ANGPT2: variants seen among roughly 807,000 people sequenced by gnomAD.
The protein encoded by ANGPT2 is angiopoietin 2, also known as angiopoietin-2.
A neutral mutation model predicts 62.9 loss-of-function variants in ANGPT2; 28 were observed. The observed-to-expected ratio is 0.44, with a 90% confidence interval of 0.33 to 0.61. The LOEUF (loss-of-function observed/expected upper bound fraction) is 0.61. Among genes scored for constraint, ANGPT2 ranks in the 20% least tolerant of loss-of-function variants. The pLI is 0.03. For synonymous variants in ANGPT2, 284 were observed against 207.8 expected (o/e 1.37, Z -3.15); for missense variants, 727 against 594.9 (o/e 1.22, Z -2.31).
intron 1 of ANGPT2, among the ~76,000 whole-genome samples, chr8:6,556,844 C>T (rs570459113): frequency 1.3e-5 from 2 of 152,238 alleles, no homozygotes; most frequent in African/African-American, 4.8e-5. Context: ...CCATCTTGGC[C>T]TCTCAAAGCT....
At chr8:6,555,344 C>A (rs1278938000) in intron 1 of ANGPT2, among the ~76,000 whole-genome samples, 1 of 152,158 alleles carries the variant, frequency 6.6e-6, no homozygotes, top group Non-Finnish European at 1.5e-5. Context: ...CTGTGAAATC[C>A]AGCGTTTCCC....
At chr8:6,518,646 G>C (rs1300290613) in intron 5 of ANGPT2, among the ~76,000 whole-genome samples, 2 of 152,046 alleles carry the variant, frequency 1.3e-5, no homozygotes, top group African/African-American at 4.8e-5. Flanking sequence ...TAAATACTTA[G>C]GATAATACTC....
Position 6,514,795 on chromosome 8 carries a change from AG to A in ANGPT2, c.928-18del, listed in dbSNP as rs1815918181. On this transcript the variant is annotated intron_variant, in intron 5 of 8. Coordinates refer to ENST00000629816, the MANE Select transcript of ANGPT2 (RefSeq NM_001118887.2). ...ACAGTAGGCCTGCAAACAGGAATGC[AG>A]GGTATAAGTGACAGAGCCCCCCCAC... The A allele has an allele frequency of 1.2e-6, 2 of 1,610,854 alleles. No homozygotes were observed. Among genetic ancestry groups the A allele is most frequent in the Non-Finnish European group, 1.7e-6 (2 of 1,177,234 alleles).
chr8:6,530,737 T>G (rs1819339897), intron 2 of ANGPT2, among the ~76,000 whole-genome samples: 1 of 152,214 alleles, frequency 6.6e-6, no homozygotes, highest in Non-Finnish European at 1.5e-5. Flanking sequence ...TCAAGTAATT[T>G]GTTATTCTAT....
Position 6,528,610 on chromosome 8 carries a change from C to T in ANGPT2, c.445-934G>A, listed in dbSNP as rs140388548. Among the ~76,000 whole-genome samples the T allele has an allele frequency of 9.2e-3, 1,406 of 152,370 alleles. 23 individuals are homozygous for T. The highest frequency in any genetic ancestry group is 0.032 in the African/African-American group (1,318 of 41,588). On this transcript the variant is annotated intron_variant, in intron 2 of 8. Coordinates refer to ENST00000629816, the MANE Select transcript of ANGPT2 (RefSeq NM_001118887.2). ...TTGCCGTGCGGGCCTTTGTGAGCTA[C>T]TGCGTGGCATGAGCAGTGCGGCTCT...
chr8:6,559,949 C>A (rs1176827430), intron 1 of ANGPT2, among the ~76,000 whole-genome samples: 5 of 152,184 alleles, frequency 3.3e-5, no homozygotes, highest in Non-Finnish European at 7.3e-5. Context: ...ATTCAGAAGC[C>A]TGACACTTCC....
At chr8:6,541,777 G>A (rs904377526) in intron 1 of ANGPT2, among the ~76,000 whole-genome samples, 2 of 152,146 alleles carry the variant, frequency 1.3e-5, no homozygotes, top group African/African-American at 4.8e-5. Context: ...GCCAAGGTAG[G>A]AGGATCACTT....
chr8:6,562,513 G>A (rs573992647), intron 1 of ANGPT2, 134 bp downstream of exon 1: 9 of 751,546 alleles, frequency 1.2e-5, no homozygotes, highest in Middle Eastern at 4.2e-4. Context: ...GAGGGTACCA[G>A]CAACCCGCTC....
chr8:6,511,763 A>T (rs1206398957), intron 7 of ANGPT2, among the ~76,000 whole-genome samples: 1 of 152,328 alleles, frequency 6.6e-6, no homozygotes, highest in South Asian at 2.1e-4. Context: ...CCAAAAATTG[A>T]TTGCATTTCT....
chr8:6,509,567 A>T lies in ANGPT2; in HGVS notation c.1197-505T>A, dbSNP rs537807441. On this transcript the variant is annotated intron_variant, in intron 7 of 8. Coordinates refer to ENST00000629816, the MANE Select transcript of ANGPT2 (RefSeq NM_001118887.2). ...GCTGAAAATAAATCCTTGTGGCTAC[A>T]TTTCCTCATGTCTGTATAGTAGGGT... Among the ~76,000 whole-genome samples, 14 of 152,240 alleles carry T rather than the reference A, an allele frequency of 9.2e-5. No individual in the cohort carries two copies. In the South Asian group the frequency reaches 2.9e-3, roughly 32 times the overall value.
chr8:6,562,572 G>GTTTTTAAAAACTGAGCT, intron 1 of ANGPT2, 75 bp downstream of exon 1: 1 of 42,834 alleles, frequency 2.3e-5, no homozygotes. Context: ...TTTTTTTTTT[G>GTTTTTAAAAACTGAGCT]GTTGTTAAAA....
At chr8:6,549,699 G>T (rs904647654) in intron 1 of ANGPT2, among the ~76,000 whole-genome samples, 1 of 137,556 alleles carries the variant, frequency 7.3e-6, no homozygotes, top group Non-Finnish European at 1.6e-5. Context: ...CGAGCTGGGC[G>T]GTCATTACAC....
chr8:6,562,570 T>TTTTTTTTTTTTTTTTTTTTTTTTTA (rs1329743969), intron 1 of ANGPT2, 77 bp downstream of exon 1: 1 of 400,176 alleles, frequency 2.5e-6, no homozygotes, highest in Non-Finnish European at 4.3e-6. Context: ...TTTTTTTTTT[T>TTTTTTTTTTTTTTTTTTTTTTTTTA]TGGTTGTTAA....
chr8:6,554,885 A>C (rs73507174), intron 1 of ANGPT2, among the ~76,000 whole-genome samples: 1 of 152,184 alleles, frequency 6.6e-6, no homozygotes, highest in Admixed American at 6.5e-5. Flanking sequence ...AATAGGTTTC[A>C]CATCTTTTGT....
rs1817269588 is a variant in ANGPT2 at position 6,521,202 on chromosome 8, G to A, written c.775C>T (p.Leu259=). The A allele has an allele frequency of 5.0e-6, 8 of 1,613,690 alleles. No individual in the cohort carries two copies. The highest frequency in any genetic ancestry group is 6.8e-6 in the Non-Finnish European group (8 of 1,179,770). The part of the protein sequence containing the change: ...HDLMETVNNL[L]TMMSTSNSKD... ...CAGTTTGATGTGGACATCATAGTCA[G>A]TAAGTTATTAACTGTCTCCATGAGA... Residue 259 remains leucine, a synonymous_variant, in exon 4 of 9, where the codon CTG becomes TTG. Coordinates refer to ENST00000629816, the MANE Select transcript of ANGPT2 (RefSeq NM_001118887.2).
At chr8:6,541,162 G>A (rs1821487005) in intron 1 of ANGPT2, among the ~76,000 whole-genome samples, 1 of 152,228 alleles carries the variant, frequency 6.6e-6, no homozygotes, top group Non-Finnish European at 1.5e-5. Flanking sequence ...TGGGCCCAGA[G>A]GGTTAATTCC....
At chr8:6,537,373 A>T (rs1475143201) in intron 1 of ANGPT2, among the ~76,000 whole-genome samples, 2 of 151,596 alleles carry the variant, frequency 1.3e-5, no homozygotes, top group Admixed American at 1.3e-4. Context: ...CTTTCTCAGA[A>T]CTCAAGTGAG....
chr8:6,517,697 C>T (rs958095320), intron 5 of ANGPT2, among the ~76,000 whole-genome samples: 9 of 152,128 alleles, frequency 5.9e-5, no homozygotes, highest in Non-Finnish European at 8.8e-5. Flanking sequence ...TTGTCACAAC[C>T]CCCAAGGCTG....
At chr8:6,535,588 AT>A (rs1458643931) in intron 1 of ANGPT2, among the ~76,000 whole-genome samples, 11 of 152,226 alleles carry the variant, frequency 7.2e-5, no homozygotes, top group African/African-American at 2.7e-4. Flanking sequence ...TATATAGCAT[AT>A]ATGTATATAG....
Sources: allele counts gnomAD v4.1 joint callset (sites outside exome capture counted in the v4.1 genomes callset), GRCh38; gene constraint gnomAD v4.1.1; transcripts MANE v1.5; gene names NCBI Gene and HGNC (gene_info 2026-07-23, HGNC 2026-07-21).